The following PKNOX1 variants were observed in gnomAD, a reference collection of about 807,000 sequenced individuals.
PKNOX1 encodes PBX/knotted 1 homeobox 1, also known as homeobox protein PKNOX1.
A neutral mutation model predicts 51.9 loss-of-function variants in PKNOX1; 15 were observed. That is an observed-to-expected ratio of 0.29 (90% CI 0.19 to 0.45). The LOEUF (loss-of-function observed/expected upper bound fraction) is 0.45, where lower values mean the gene tolerates loss of function less well. Ranked by LOEUF, PKNOX1 falls within the 20% of genes least tolerant of loss-of-function variation. The pLI, the probability that PKNOX1 is intolerant of heterozygous loss-of-function variation, is 1.00. For missense variants in PKNOX1, 462 were observed against 547.5 expected (o/e 0.84, Z 1.56); for synonymous variants, 219 against 211.1 (o/e 1.04, Z -0.32).
intron 1 of PKNOX1, among the ~76,000 whole-genome samples, chr21:42,978,751 T>C (rs1286213993): frequency 2.6e-5 from 4 of 152,172 alleles, no homozygotes; most frequent in Admixed American, 2.0e-4. Flanking sequence ...CCCAGAGTAC[T>C]GGGATTACAG....
chr21:43,020,155 A>ACTCCTGGGCTCAAATAGTC (rs1173210478), intron 7 of PKNOX1, among the ~76,000 whole-genome samples: 5 of 149,472 alleles, frequency 3.3e-5, no homozygotes, highest in Admixed American at 2.0e-4. Context: ...CTGGTCTTGA[A>ACTCCTGGGCTCAAATAGTC]CTCCTGGGCT....
chr21:42,993,318 T>C (rs1172559789), intron 1 of PKNOX1, among the ~76,000 whole-genome samples: 1 of 152,056 alleles, frequency 6.6e-6, no homozygotes, highest in Non-Finnish European at 1.5e-5. Flanking sequence ...CCGTCTCGCC[T>C]CCACAGGGCC....
chr21:42,977,365 T>C (rs1206901257), intron 1 of PKNOX1, among the ~76,000 whole-genome samples: 1 of 152,158 alleles, frequency 6.6e-6, no homozygotes, highest in African/African-American at 2.4e-5. Flanking sequence ...CTTTTGTCTA[T>C]ATTGAAAATC....
At chr21:42,981,335 G>A (rs766260792) in intron 1 of PKNOX1, among the ~76,000 whole-genome samples, 2 of 152,200 alleles carry the variant, frequency 1.3e-5, no homozygotes, top group Admixed American at 6.5e-5. Flanking sequence ...GCCTGTTCCC[G>A]CCCTTGGCAG....
intron 1 of PKNOX1, 158 bp from the exon 2 acceptor site, chr21:43,004,168 C>T (rs1433518860): frequency 1.0e-5 from 4 of 395,534 alleles, no homozygotes; most frequent in East Asian, 5.4e-5. Flanking sequence ...ACCTGGGAGG[C>T]GGAGGTTGAG....
At chr21:42,993,355 C>A (rs2059098907) in intron 1 of PKNOX1, among the ~76,000 whole-genome samples, 1 of 152,174 alleles carries the variant, frequency 6.6e-6, no homozygotes, top group Non-Finnish European at 1.5e-5. Context: ...GCGGGCCGAG[C>A]TTCCAGGCGC....
At position 43,000,776 on chromosome 21, in the gene PKNOX1, A is replaced by G. The variant is rs570751138; in HGVS notation, c.-56-3550A>G. Among the ~76,000 whole-genome samples, 8 of 152,274 alleles carry G rather than the reference A, an allele frequency of 5.3e-5. No homozygotes were observed. The South Asian group carries it at 6.2e-4, about 12-fold the overall frequency. On this transcript the variant is annotated intron_variant, in intron 1 of 10. Transcript: ENST00000291547. ...TGTGGGCCTGTAGTTCCTGCTGTTT[A>G]GGGGGCTGTGGTGGGAGCATCTCTT...
At chr21:43,029,552 C>G (rs750060957) in intron 10 of PKNOX1, among the ~76,000 whole-genome samples, 10 of 150,756 alleles carry the variant, frequency 6.6e-5, no homozygotes, top group Non-Finnish European at 1.2e-4. Context: ...CTCAGCCTCC[C>G]GAGTAGCTCG....
In PKNOX1 at chr21:43,004,375, A is replaced by T. The variant is rs761865269; in HGVS notation, c.-7A>T. On this transcript the variant is annotated 5_prime_UTR_variant, in exon 2 of 11. The change abolishes an upstream ATG in the 5' untranslated region. Transcript: ENST00000291547. ...TGATTTGATGTCTTATAAAACTCTG[A>T]TGAACCATGATGGCTACACAGACAT... 6.3e-7 allele frequency: 1 copy of T among 1,597,008 alleles called. No homozygotes were observed. The highest frequency in any genetic ancestry group is 8.6e-7 in the Non-Finnish European group (1 of 1,164,550).
At position 42,984,342 on chromosome 21, in the gene PKNOX1, G is replaced by T. The variant is rs771976453; in HGVS notation, c.-57+9678G>T. On this transcript the variant is annotated intron_variant, in intron 1 of 10. Coordinates refer to ENST00000291547, the MANE Select transcript of PKNOX1 (RefSeq NM_004571.5). ...CATTTATATAATCCACACATTTCTC[G>T]TTTTAAAAATTTAAGGTCTCATACA... is the stretch of plus-strand genomic sequence containing the variant. Among the ~76,000 whole-genome samples the T allele has an allele frequency of 3.3e-5, 5 of 151,892 alleles. 1 individual carries two copies. The highest frequency in any genetic ancestry group is 7.4e-5 in the Non-Finnish European group (5 of 67,992).
At chr21:43,011,197 A>G (rs980389355) in intron 4 of PKNOX1, among the ~76,000 whole-genome samples, 2 of 151,426 alleles carry the variant, frequency 1.3e-5, no homozygotes, top group African/African-American at 4.9e-5. Context: ...CCTCCCGAGT[A>G]GCTGGGACTA....
intron 6 of PKNOX1, chr21:43,017,543 G>A (rs546191897): frequency 1.0e-4 from 15 of 145,436 alleles, no homozygotes; most frequent in African/African-American, 3.7e-4. Context: ...AGCACAAAGG[G>A]AAACCTCAGT....
intron 1 of PKNOX1, among the ~76,000 whole-genome samples, chr21:42,995,908 A>G (rs1328385247): frequency 6.6e-6 from 1 of 152,110 alleles, no homozygotes; most frequent in African/African-American, 2.4e-5. Context: ...TCATTTATGT[A>G]TTTATATTTT....
intron 1 of PKNOX1, among the ~76,000 whole-genome samples, chr21:42,976,714 C>G (rs2058999307): frequency 6.6e-6 from 1 of 152,206 alleles, no homozygotes; most frequent in African/African-American, 2.4e-5. Context: ...TCTGCAGTTC[C>G]TTCCTCCACT....
intron 1 of PKNOX1, among the ~76,000 whole-genome samples, chr21:42,979,058 C>G (rs966341980): frequency 1.2e-4 from 19 of 152,210 alleles, no homozygotes; most frequent in African/African-American, 4.6e-4. Context: ...TGCCAGCATG[C>G]CCAGCTAATT....
chr21:42,977,657 C>T (rs1471267320), intron 1 of PKNOX1, among the ~76,000 whole-genome samples: 2 of 149,584 alleles, frequency 1.3e-5, no homozygotes, highest in East Asian at 3.9e-4. Context: ...AAGCGATTCT[C>T]CTGCCTCAGC....
chr21:42,992,917 T>C lies in PKNOX1; in HGVS notation c.-56-11409T>C, dbSNP rs951415070. ...GAGCTTCCTCACAGCACTGGGGGGC[T>C]TCCTCAGCACTGGGGGTCTCCTTTA... is the stretch of plus-strand genomic sequence containing the variant. On this transcript the variant is annotated intron_variant, in intron 1 of 10. Coordinates refer to ENST00000291547, the MANE Select transcript of PKNOX1 (RefSeq NM_004571.5). 5.1e-5 allele frequency among the ~76,000 whole-genome samples: 7 copies of C among 136,798 alleles called. No individual in the cohort carries two copies. In the South Asian group the frequency reaches 7.7e-4, roughly 15 times the overall value. The allele number at this position is 136,798 out of a possible 152,430, so 89.7% of individuals were successfully genotyped here.
chr21:42,982,984 A>G (rs922757097), intron 1 of PKNOX1, among the ~76,000 whole-genome samples: 14 of 151,922 alleles, frequency 9.2e-5, no homozygotes, highest in African/African-American at 3.4e-4. Flanking sequence ...TAATTTTTGT[A>G]TTTTTAGTAG....
intron 9 of PKNOX1, among the ~76,000 whole-genome samples, chr21:43,026,816 C>T (rs763556132): frequency 7.1e-6 from 1 of 141,508 alleles, no homozygotes; most frequent in Non-Finnish European, 1.5e-5. Context: ...TCCCAGGTCT[C>T]GCTGGGGTTG....
Sources: gnomAD v4.1 joint callset for allele counts (sites outside exome capture counted in the v4.1 genomes callset) on GRCh38, gnomAD v4.1.1 for gene constraint, MANE v1.5 for transcripts, NCBI Gene and HGNC (gene_info 2026-07-23, HGNC 2026-07-21) for gene names.